PDE12: variants seen among roughly 807,000 people sequenced by gnomAD.
PDE12 encodes the protein phosphodiesterase 12.
A neutral mutation model predicts 45.4 loss-of-function variants in PDE12; 26 were observed. That is an observed-to-expected ratio of 0.57 (90% CI 0.42 to 0.79). The LOEUF (loss-of-function observed/expected upper bound fraction) is 0.79, where lower values mean the gene tolerates loss of function less well. Ranked by LOEUF, PDE12 falls within the 30% of genes least tolerant of loss-of-function variation. The pLI is 0.00. For missense variants in PDE12, 668 were observed against 790.0 expected (o/e 0.85, Z 1.85); for synonymous variants, 283 against 323.9 (o/e 0.87, Z 1.36).
At chr3:57,640,046 C>T in the PDE12 span, among the ~76,000 whole-genome samples, 1 of 151,724 alleles carries the variant, frequency 6.6e-6, no homozygotes, top group Non-Finnish European at 1.5e-5. Context: ...CCGAGGTGGG[C>T]GGTCTGGAGG....
chr3:57,599,176 ACT>A, the PDE12 span, among the ~76,000 whole-genome samples: 43 of 152,120 alleles, frequency 2.8e-4, no homozygotes, highest in African/African-American at 9.9e-4. Flanking sequence ...AGGCAGGAAG[ACT>A]CTGAGTGGGG....
chr3:57,652,980 T>C, the PDE12 span, among the ~76,000 whole-genome samples: 1 of 152,330 alleles, frequency 6.6e-6, no homozygotes, highest in South Asian at 2.1e-4. Flanking sequence ...GAACTGGTCT[T>C]AGTATTAGAT....
At chr3:57,574,002 C>T in the PDE12 span, among the ~76,000 whole-genome samples, 4 of 151,636 alleles carry the variant, frequency 2.6e-5, no homozygotes, top group Non-Finnish European at 4.4e-5. Flanking sequence ...AGTGCAGTGG[C>T]GTGATCTCGG....
chr3:57,610,526 C>A, the PDE12 span, among the ~76,000 whole-genome samples: 1 of 59,926 alleles, frequency 1.7e-5, no homozygotes, highest in South Asian at 9.7e-4. Context: ...TGATAGGCAA[C>A]TTCAGCAAAG....
chr3:57,627,643 CAAT>C, the PDE12 span: 1 of 152,022 alleles, frequency 6.6e-6, no homozygotes, highest in Non-Finnish European at 1.5e-5. Context: ...TTTTTTTAAA[CAAT>C]GATCACTCAA....
At chr3:57,582,142 ACCT>A in the PDE12 span, among the ~76,000 whole-genome samples, 7 of 152,192 alleles carry the variant, frequency 4.6e-5, no homozygotes, top group Non-Finnish European at 8.8e-5. Context: ...AGGAATGTTC[ACCT>A]TGTATTTAAC....
the PDE12 span, chr3:57,641,846 C>T: frequency 2.1e-6 from 2 of 955,332 alleles, no homozygotes; most frequent in Admixed American, 4.9e-5. Flanking sequence ...GAACAATACA[C>T]AGATTGATTT....
At position 57,556,385 on chromosome 3, in the gene PDE12, G is replaced by A. The variant is rs2069658134; in HGVS notation, c.6G>A (p.Trp2Ter). ...ACCGCTAGGCCACCAGGTTCATGTGGAGGCTCCCAGGCGCCCGCGCCGCGC... is the reference window on the plus strand; with the variant it reads ...ACCGCTAGGCCACCAGGTTCATGTGAAGGCTCCCAGGCGCCCGCGCCGCGC... The part of the protein sequence containing the change: M[W>*]RLPGARAALR... Residue 2 changes from tryptophan (W) to a stop codon, truncating the protein, a stop_gained, in exon 1 of 3, where the codon TGG becomes TGA. Transcript: ENST00000311180. LOFTEE classifies it high-confidence loss of function. The surrounding 1 kb of genome is among the most constrained non-coding windows in gnomAD (Gnocchi z 5.0). 5 of 1,572,768 alleles carry A rather than the reference G, an allele frequency of 3.2e-6. No individual in the cohort carries two copies. The highest frequency in any genetic ancestry group is 4.3e-6 in the Non-Finnish European group (5 of 1,159,944).
chr3:57,654,043 G>A, the PDE12 span, among the ~76,000 whole-genome samples: 3 of 146,846 alleles, frequency 2.0e-5, no homozygotes, highest in Admixed American at 2.1e-4. Context: ...CACCTCCCGG[G>A]TTCACACCAT....
rs1030564907 is a variant in PDE12, at chr3:57,560,080, A to G, written c.*76A>G. 3 of 1,511,900 alleles carry G rather than the reference A, an allele frequency of 2.0e-6. No individual in the cohort carries two copies. 93.7% of individuals were successfully genotyped at this position (1,511,900 alleles called of 1,614,324 possible). A position where few individuals can be genotyped will look rare whatever the true frequency, so the allele number is the denominator to read the frequency against. On this transcript the variant is annotated 3_prime_UTR_variant, in exon 3 of 3. Coordinates refer to ENST00000311180, the MANE Select transcript of PDE12 (RefSeq NM_177966.7). ...GAAAATTTAATATGAATCAAAGCTT[A>G]TATGTAAACTTCAAGGAGGAATGGT...
the PDE12 span, chr3:57,628,089 G>A: frequency 2.2e-6 from 2 of 907,486 alleles, no homozygotes; most frequent in South Asian, 3.5e-5. Context: ...TTTCTACCCT[G>A]TAACTAGCAT....
the PDE12 span, among the ~76,000 whole-genome samples, chr3:57,616,931 G>C: frequency 6.6e-6 from 1 of 152,274 alleles, no homozygotes; most frequent in South Asian, 2.1e-4. Context: ...GGCTAAGGCA[G>C]GAGAATTGCT....
chr3:57,575,450 A>G, the PDE12 span: 1 of 1,241,980 alleles, frequency 8.1e-7, no homozygotes, highest in Non-Finnish European at 1.1e-6. Context: ...TTATTTGTCC[A>G]AAGGAGATAA....
At chr3:57,638,128 C>T in the PDE12 span, among the ~76,000 whole-genome samples, 1 of 151,410 alleles carries the variant, frequency 6.6e-6, no homozygotes, top group African/African-American at 2.4e-5. Flanking sequence ...ACCAAGACTC[C>T]ATCTCAAAAA....
chr3:57,586,291 TA>T, the PDE12 span, among the ~76,000 whole-genome samples: 1 of 151,234 alleles, frequency 6.6e-6, no homozygotes, highest in East Asian at 1.9e-4. Context: ...GACACTTTCT[TA>T]ATATTTAAAT....
chr3:57,609,534 A>C, the PDE12 span, among the ~76,000 whole-genome samples: 1 of 152,196 alleles, frequency 6.6e-6, no homozygotes, highest in Non-Finnish European at 1.5e-5. Context: ...AGACGCAATA[A>C]AAAATGATAA....
chr3:57,593,951 A>T, the PDE12 span, among the ~76,000 whole-genome samples: 1 of 152,210 alleles, frequency 6.6e-6, no homozygotes, highest in African/African-American at 2.4e-5. Flanking sequence ...TTATTTAAAA[A>T]ATATATACAA....
chr3:57,597,021 T>C, the PDE12 span: 5 of 1,588,374 alleles, frequency 3.1e-6, no homozygotes, highest in African/African-American at 6.7e-5. Context: ...CCACCCCAAT[T>C]GTGGAGACCC....
At chr3:57,602,018 G>A in the PDE12 span, among the ~76,000 whole-genome samples, 1 of 151,766 alleles carries the variant, frequency 6.6e-6, no homozygotes, top group African/African-American at 2.4e-5. Context: ...GCCTCCCAGA[G>A]TGCTGGGATT....
Sources: allele counts gnomAD v4.1 joint callset (sites outside exome capture counted in the v4.1 genomes callset), GRCh38; gene constraint gnomAD v4.1.1; non-coding constraint Gnocchi (gnomAD v3.1); transcripts MANE v1.5; gene names NCBI Gene and HGNC (gene_info 2026-07-23, HGNC 2026-07-21).